The following SPAG17 variants were observed in gnomAD, a reference collection of about 807,000 sequenced individuals.
SPAG17 encodes the protein sperm associated antigen 17.
SPAG17 carries 169 observed loss-of-function variants against 273.6 expected under a neutral mutation model. That is an observed-to-expected ratio of 0.62 (90% CI 0.55 to 0.70). SPAG17 has a LOEUF of 0.70. Ranked by LOEUF, SPAG17 falls within the 30% of genes least tolerant of loss-of-function variation. SPAG17 has a pLI of 0.00. For synonymous variants in SPAG17, 825 were observed against 873.2 expected (o/e 0.94, Z 0.97); for missense variants, 2,557 against 2,627.8 (o/e 0.97, Z 0.59).
Position 118,101,890 on chromosome 1 carries a change from C to T in SPAG17, c.484G>A (p.Gly162Arg). ...TTCTCCTTGGGAGATTTTGCTTTCCCTTTATCCTTTTCTAACTTAGGTTTG... is the reference window on the plus strand; with the variant it reads ...TTCTCCTTGGGAGATTTTGCTTTCCTTTTATCCTTTTCTAACTTAGGTTTG... ...EDKPKLEKDKGKAKSPKEKKA... is the reference protein window; with the variant it reads ...EDKPKLEKDKRKAKSPKEKKA... The change falls in exon 5 of 49, where the codon GGG becomes AGG. Residue 162 changes from glycine (G) to arginine (R), a missense_variant. Gly to Arg is a moderately radical substitution (Grantham distance 125). Coordinates refer to ENST00000336338, the MANE Select transcript of SPAG17 (RefSeq NM_206996.4). 6.2e-7 allele frequency: 1 copy of T among 1,613,544 alleles called. No individual in the cohort carries two copies. Among genetic ancestry groups the T allele is most frequent in the Non-Finnish European group, 8.5e-7 (1 of 1,179,862 alleles).
intron 28 of SPAG17, among the ~76,000 whole-genome samples, chr1:118,020,048 G>T (rs1177204166): frequency 6.6e-6 from 1 of 152,196 alleles, no homozygotes; most frequent in Non-Finnish European, 1.5e-5. Flanking sequence ...TGTGGAAAAA[G>T]TTATACCGGT....
Position 117,953,922 on chromosome 1 carries a change from A to G in SPAG17, c.*128T>C, listed in dbSNP as rs878929062. On this transcript the variant is annotated 3_prime_UTR_variant, in exon 49 of 49. Transcript: ENST00000336338. The stretch of plus-strand genomic sequence containing the variant: ...CAGATTGAAGCTATTTCATTTGGCA[A>G]ATTTCTGGTCAGTTCTTCCAGTTTC... The G allele has an allele frequency of 9.4e-6, 11 of 1,176,340 alleles. No individual in the cohort carries two copies. Among genetic ancestry groups the G allele is most frequent in the Non-Finnish European group, 1.3e-5 (11 of 824,878 alleles). 72.9% of individuals were successfully genotyped at this position (1,176,340 alleles called of 1,614,324 possible). A position where few individuals can be genotyped will look rare whatever the true frequency, so the allele number is the denominator to read the frequency against.
At chr1:118,184,973 C>A in intron 1 of SPAG17, 98 bp downstream of exon 1, 1 of 1,012,068 alleles carries the variant, frequency 9.9e-7, no homozygotes, top group Non-Finnish European at 1.5e-6. Flanking sequence ...CGGAGAGATA[C>A]GGAAGAGAGG....
chr1:117,982,431 C>T (rs1235692232), intron 42 of SPAG17, among the ~76,000 whole-genome samples: 3 of 152,012 alleles, frequency 2.0e-5, no homozygotes, highest in Non-Finnish European at 2.9e-5. Flanking sequence ...TTAGTAGAGA[C>T]GGGGTTTCAC....
rs1657729702 is a variant in SPAG17, at chr1:118,126,278, T to TGG, written c.316-10838_316-10837insCC. Among the ~76,000 whole-genome samples, 3 of 145,702 alleles carry TGG rather than the reference T, an allele frequency of 2.1e-5. No individual in the cohort carries two copies. In the South Asian group the frequency reaches 6.8e-4, roughly 33 times the overall value. On this transcript the variant is annotated intron_variant, in intron 3 of 48. Transcript: ENST00000336338. Reference sequence around the variant, plus strand: ...TGGAGTGCAGTGGCGCGATCTCGGCTCACTGCAAGCTCCACCTCCTGGGTT... The same window carrying TGG: ...TGGAGTGCAGTGGCGCGATCTCGGCTGGCACTGCAAGCTCCACCTCCTGGGTT...
At chr1:118,177,699 A>G (rs529606903) in intron 1 of SPAG17, among the ~76,000 whole-genome samples, 1 of 152,274 alleles carries the variant, frequency 6.6e-6, no homozygotes, top group East Asian at 1.9e-4. Context: ...AAAAGAGAGA[A>G]GAGCCAGGTA....
chr1:118,023,650 C>A (rs1421375767), intron 27 of SPAG17, among the ~76,000 whole-genome samples, 187 bp from the exon 28 acceptor site: 1 of 152,058 alleles, frequency 6.6e-6, no homozygotes, highest in Non-Finnish European at 1.5e-5. Context: ...GAGACAATAG[C>A]CTAGTTACCA....
chr1:118,171,740 CAT>C (rs1320465163), intron 1 of SPAG17, among the ~76,000 whole-genome samples: 16 of 152,142 alleles, frequency 1.1e-4, no homozygotes, highest in Admixed American at 1.0e-3. Flanking sequence ...ATATCTACCT[CAT>C]AGCACTGCTG....
chr1:118,081,125 C>G lies in SPAG17; in HGVS notation c.2185G>C (p.Ala729Pro), dbSNP rs1291191235. Reference protein sequence around the residue: ...QLLEQESIMKAQPQHESLEQT... With the variant: ...QLLEQESIMKPQPQHESLEQT... ...CCCAGAGACTCATGTTGGGGCTGAGCCTTCATGATGCTCTCCTGCTCTAAC... is the reference window on the plus strand; with the variant it reads ...CCCAGAGACTCATGTTGGGGCTGAGGCTTCATGATGCTCTCCTGCTCTAAC... The change falls in exon 15 of 49, where the codon GCT (alanine) becomes CCT (proline). Residue 729 changes from alanine (A) to proline (P), a missense_variant. Ala to Pro is a conservative substitution (Grantham distance 27). Coordinates refer to ENST00000336338, the MANE Select transcript of SPAG17 (RefSeq NM_206996.4). The G allele has an allele frequency of 6.2e-7, 1 of 1,613,516 alleles. No individual in the cohort carries two copies. Among genetic ancestry groups the G allele is most frequent in the African/African-American group, 1.3e-5 (1 of 74,810 alleles).
chr1:118,184,877 T>C (rs977700604), intron 1 of SPAG17, among the ~76,000 whole-genome samples, 194 bp downstream of exon 1: 2 of 152,190 alleles, frequency 1.3e-5, no homozygotes, highest in African/African-American at 4.8e-5. Context: ...TCACACTGAC[T>C]CACCTGGTGG....
intron 1 of SPAG17, among the ~76,000 whole-genome samples, chr1:118,183,748 G>A (rs966511139): frequency 6.6e-6 from 1 of 152,106 alleles, no homozygotes; most frequent in African/African-American, 2.4e-5. Flanking sequence ...ATCAAACTCC[G>A]TTGTTCAGCA....
intron 20 of SPAG17, among the ~76,000 whole-genome samples, chr1:118,045,234 T>C (rs930794275): frequency 1.1e-4 from 17 of 152,224 alleles, no homozygotes; most frequent in African/African-American, 4.1e-4. Flanking sequence ...TCTTGTCATG[T>C]TCTTCAGGAT....
chr1:118,143,521 C>T (rs550863593), intron 3 of SPAG17, among the ~76,000 whole-genome samples: 9 of 151,848 alleles, frequency 5.9e-5, no homozygotes, highest in South Asian at 4.2e-4. Context: ...CAACATAGCA[C>T]GCTCCTGTTC....
At chr1:118,131,650 GT>G (rs1411311195) in intron 3 of SPAG17, among the ~76,000 whole-genome samples, 1 of 152,182 alleles carries the variant, frequency 6.6e-6, no homozygotes, top group Non-Finnish European at 1.5e-5. Context: ...TGTGTACCAT[GT>G]TTTATGCTGT....
chr1:118,168,740 A>G (rs1399736640), intron 1 of SPAG17, among the ~76,000 whole-genome samples: 2 of 152,196 alleles, frequency 1.3e-5, no homozygotes, highest in Non-Finnish European at 2.9e-5. Flanking sequence ...ACAATCATTG[A>G]AGTAGTTTAG....
chr1:118,075,906 T>A (rs561333803), intron 15 of SPAG17, among the ~76,000 whole-genome samples: 1 of 152,260 alleles, frequency 6.6e-6, no homozygotes, highest in East Asian at 1.9e-4. Flanking sequence ...TTCTGCCTCA[T>A]CCTCTGCTTT....
chr1:117,982,599 A>G (rs532966268), intron 42 of SPAG17, among the ~76,000 whole-genome samples: 3 of 152,164 alleles, frequency 2.0e-5, no homozygotes, highest in African/African-American at 4.8e-5. Flanking sequence ...ATTTTATTTC[A>G]TCCCTAAATT....
chr1:118,160,686 C>G (rs1002994671), intron 1 of SPAG17, among the ~76,000 whole-genome samples: 1 of 152,212 alleles, frequency 6.6e-6, no homozygotes, highest in African/African-American at 2.4e-5. Context: ...TATTCTTCCC[C>G]AAATTCAATA....
At chr1:118,094,718 C>A (rs953640812) in intron 7 of SPAG17, among the ~76,000 whole-genome samples, 1 of 152,122 alleles carries the variant, frequency 6.6e-6, no homozygotes. Context: ...AATTCAATGG[C>A]CTTTTCTTCT....
Sources: allele counts gnomAD v4.1 joint callset (sites outside exome capture counted in the v4.1 genomes callset), GRCh38; gene constraint gnomAD v4.1.1; transcripts MANE v1.5; gene names NCBI Gene and HGNC (gene_info 2026-07-23, HGNC 2026-07-21).